Variants in C11orf98 observed in about 807,000 individuals in gnomAD.
The protein encoded by C11orf98 is chromosome 11 open reading frame 98.
C11orf98 carries 7 observed loss-of-function variants against 10.9 expected under a neutral mutation model. The observed-to-expected ratio is 0.64, with a 90% CI of 0.37 to 1.21. C11orf98 has a LOEUF of 1.21. Among genes scored for constraint, C11orf98 ranks in the 50% most tolerant of loss-of-function variants. The pLI, the probability that C11orf98 is intolerant of heterozygous loss-of-function variation, is 0.02. For missense variants in C11orf98, 181 were observed against 153.7 expected (o/e 1.18, Z -0.94); for synonymous variants, 70 against 57.2 (o/e 1.22, Z -1.01).
intron 2 of C11orf98, among the ~76,000 whole-genome samples, chr11:62,664,543 C>T (rs181992522): frequency 7.5e-4 from 114 of 152,162 alleles, no homozygotes; most frequent in African/African-American, 2.6e-3. Context: ...GTTGGTCAGG[C>T]TGGTCTCGAA....
At position 62,663,171 on chromosome 11, in the gene C11orf98, G is replaced by C. The variant is rs376436715; in HGVS notation, c.263-12C>G. On this transcript the variant is annotated splice_polypyrimidine_tract_variant and intron_variant, in intron 3 of 3. Coordinates refer to ENST00000524958, the MANE Select transcript of C11orf98 (RefSeq NM_001286086.2). ...TGAAGGGGCTTCCACTGAGTAAAGGGAAGAAGGAAGTATTATCCCAAATAA... is the reference window on the plus strand; with the variant it reads ...TGAAGGGGCTTCCACTGAGTAAAGGCAAGAAGGAAGTATTATCCCAAATAA... The C allele has an allele frequency of 6.2e-7, 1 of 1,613,744 alleles. No homozygotes were observed. The highest frequency in any genetic ancestry group is 1.3e-5 in the African/African-American group (1 of 74,920).
intron 1 of C11orf98, 62 bp downstream of exon 1, chr11:62,665,069 G>C: frequency 1.3e-6 from 2 of 1,551,194 alleles, no homozygotes; most frequent in Non-Finnish European, 1.7e-6. Context: ...ATCCCATCTC[G>C]TGCGAGATAA....
At position 62,663,247 on chromosome 11, in the gene C11orf98, G is replaced by A. The variant is rs750401579; in HGVS notation, c.251C>T (p.Thr84Ile). Residue 84 changes from threonine to isoleucine, a missense_variant, in exon 3 of 4, where the codon ACA becomes ATA. Thr to Ile is a moderately conservative substitution (Grantham distance 89). Coordinates refer to ENST00000524958, the MANE Select transcript of C11orf98 (RefSeq NM_001286086.2). The part of the protein sequence containing the change: ...QQIRLAQKEK[T>I]AMEVEAPSKP... ...TGTCCCAGCCTCACCTTCCATGGCT[G>A]TCTTCTCTTTCTGGGCAAGCCGGAT... 1 of 1,614,168 alleles carries A rather than the reference G, an allele frequency of 6.2e-7. No homozygotes were observed. The highest frequency in any genetic ancestry group is 8.5e-7 in the Non-Finnish European group (1 of 1,180,026).
chr11:62,663,802 G>C (rs1184713906), intron 2 of C11orf98, among the ~76,000 whole-genome samples: 8 of 151,714 alleles, frequency 5.3e-5, no homozygotes, highest in Non-Finnish European at 4.4e-5. Flanking sequence ...ATCGGGGGCG[G>C]TGGCTTATGC....
intron 2 of C11orf98, among the ~76,000 whole-genome samples, chr11:62,664,082 G>GAAAAAAAAAAAAAAAAAAAA (rs71056540): frequency 1.5e-5 from 1 of 65,944 alleles, no homozygotes; most frequent in Admixed American, 1.9e-4. Flanking sequence ...CAAAAAAGAG[G>GAAAAAAAAAAAAAAAAAAAA]AAAAAAAAAA....
intron 2 of C11orf98, among the ~76,000 whole-genome samples, chr11:62,664,390 G>GCA (rs1944737074): frequency 6.8e-6 from 1 of 146,240 alleles, no homozygotes; most frequent in East Asian, 2.1e-4. Context: ...GAGTGCAGTG[G>GCA]CGTGATCTCG....
In C11orf98 at chr11:62,665,196, T is replaced by G. The variant is rs948419490; in HGVS notation, c.-27A>C. 3.7e-6 allele frequency: 3 copies of G among 803,414 alleles called. No individual in the cohort carries two copies. Among genetic ancestry groups the G allele is most frequent in the African/African-American group, 3.4e-5 (2 of 59,056 alleles). 49.8% of individuals were successfully genotyped at this position (803,414 alleles called of 1,614,324 possible). A position where few individuals can be genotyped will look rare whatever the true frequency, so the allele number is the denominator to read the frequency against. Reference sequence around the variant, plus strand: ...GTCGCGATTCCACTCCAGTTCACGGTCCGTACTTCCGCTCAGCGCCGGATC... The same window carrying G: ...GTCGCGATTCCACTCCAGTTCACGGGCCGTACTTCCGCTCAGCGCCGGATC... On this transcript the variant is annotated 5_prime_UTR_variant, in exon 1 of 4. Transcript: ENST00000524958.
intron 2 of C11orf98, among the ~76,000 whole-genome samples, chr11:62,663,914 A>G (rs1944720027): frequency 6.6e-6 from 1 of 150,424 alleles, no homozygotes; most frequent in Non-Finnish European, 1.5e-5. Flanking sequence ...CTCTACTAAA[A>G]ATACAAAAAT....
At chr11:62,663,445 G>T in intron 2 of C11orf98, 112 bp from the exon 3 acceptor site, 2 of 1,115,784 alleles carry the variant, frequency 1.8e-6, no homozygotes, top group Non-Finnish European at 2.5e-6. Flanking sequence ...AGTGGCTCAC[G>T]CCTGTAATCC....
At position 62,663,219 on chromosome 11, in the gene C11orf98, C is replaced by T. The variant is rs1483494871; in HGVS notation, c.262+17G>A. 4 of 1,613,916 alleles carry T rather than the reference C, an allele frequency of 2.5e-6. No individual in the cohort carries two copies. The highest frequency in any genetic ancestry group is 3.4e-6 in the Non-Finnish European group (4 of 1,179,930). ...TAAATCCAGGATTCCCCTCACCCACCTCTGTCCCAGCCTCACCTTCCATGG... is the reference window on the plus strand; with the variant it reads ...TAAATCCAGGATTCCCCTCACCCACTTCTGTCCCAGCCTCACCTTCCATGG... On this transcript the variant is annotated intron_variant, in intron 3 of 3. Coordinates refer to ENST00000524958, the MANE Select transcript of C11orf98 (RefSeq NM_001286086.2).
chr11:62,664,964 T>C lies in C11orf98; in HGVS notation c.49A>G (p.Lys17Glu), dbSNP rs1271785117. The C allele has an allele frequency of 1.2e-6, 2 of 1,611,868 alleles. No homozygotes were observed. Among genetic ancestry groups the C allele is most frequent in the Non-Finnish European group, 1.7e-6 (2 of 1,179,730 alleles). ...KINRPRTELK[K>E]KLFKRRRVLN... ...ACCCGCCGGCGTTTGAACAGCTTCTTCTTCAGCTCCTGCCGGGGAGAAAGA... is the reference window on the plus strand; with the variant it reads ...ACCCGCCGGCGTTTGAACAGCTTCTCCTTCAGCTCCTGCCGGGGAGAAAGA... The change falls in exon 2 of 4, where the codon AAG (lysine) becomes GAG (glutamate). Residue 17 changes from lysine (K) to glutamate (E), a missense_variant. Lys to Glu is a moderately conservative substitution (Grantham distance 56). Transcript: ENST00000524958.
At chr11:62,663,911 A>G (rs893762888) in intron 2 of C11orf98, among the ~76,000 whole-genome samples, 74 of 150,576 alleles carry the variant, frequency 4.9e-4, no homozygotes, top group African/African-American at 1.7e-3. Context: ...CGTCTCTACT[A>G]AAAATACAAA....
chr11:62,664,320 G>A (rs1944732410), intron 2 of C11orf98, among the ~76,000 whole-genome samples: 1 of 140,220 alleles, frequency 7.1e-6, no homozygotes, highest in Non-Finnish European at 1.5e-5. Context: ...CAGATTTCCT[G>A]ATATTCTTTT....
intron 1 of C11orf98, 74 bp from the exon 2 acceptor site, chr11:62,665,047 G>T (rs539012658): frequency 1.5e-5 from 24 of 1,588,158 alleles, no homozygotes; most frequent in Non-Finnish European, 1.8e-5. Flanking sequence ...AGGCAGCCCC[G>T]GCCCCTCACT....
In C11orf98 at chr11:62,662,904, A is replaced by G. The variant is rs1202751564; in HGVS notation, c.*146T>C. 1 of 633,960 alleles carries G rather than the reference A, an allele frequency of 1.6e-6. No individual in the cohort carries two copies. Among genetic ancestry groups the G allele is most frequent in the East Asian group, 2.7e-5 (1 of 36,560 alleles). 39.3% of individuals were successfully genotyped at this position (633,960 alleles called of 1,614,324 possible). On this transcript the variant is annotated 3_prime_UTR_variant, in exon 4 of 4. Transcript: ENST00000524958. ...TCTTCTGTACCTTCTTCCCTCCCAA[A>G]GACATCCCTCTAGGGGAGGTCAGTA... is the stretch of plus-strand genomic sequence containing the variant.
Position 62,663,293 on chromosome 11 carries a change from G to T in C11orf98, c.205C>A (p.Arg69Ser), listed in dbSNP as rs778053813. ...RANITLSGKK[R>S]RKLLQQIRLA... ...CGGATCTGCTGGAGGAGTTTTCTGC[G>T]CTTCTTCCCTGACAGTGTAATGTTG... Residue 69 changes from arginine to serine, a missense_variant, in exon 3 of 4, where the codon CGC (arginine) becomes AGC (serine). Transcript: ENST00000524958. 1.9e-6 allele frequency: 3 copies of T among 1,614,150 alleles called. No homozygotes were observed. The highest frequency in any genetic ancestry group is 1.3e-5 in the African/African-American group (1 of 75,030).
rs71056540 is a variant in C11orf98 at position 62,664,082 on chromosome 11, GAAAAAAAAAA to G, written c.164+757_165-750del. On this transcript the variant is annotated intron_variant, in intron 2 of 3. Coordinates refer to ENST00000524958, the MANE Select transcript of C11orf98 (RefSeq NM_001286086.2). The stretch of plus-strand genomic sequence containing the variant: ...AGGGAGACTCTGTCTCAAAAAAGAG[GAAAAAAAAAA>G]AAAAAAAAAAAAAGGACACAGAAAG... 5.8e-4 allele frequency among the ~76,000 whole-genome samples: 38 copies of G among 65,944 alleles called. No individual in the cohort carries two copies. The Admixed American group carries it at 7.1e-3, about 12-fold the overall frequency. The allele number at this position is 65,944 out of a possible 152,430, so 43.3% of individuals were successfully genotyped here.
At chr11:62,664,082 GAAAAAAAAAAAA>G (rs71056540) in intron 2 of C11orf98, among the ~76,000 whole-genome samples, 4 of 65,944 alleles carry the variant, frequency 6.1e-5, no homozygotes, top group Non-Finnish European at 1.1e-4. Flanking sequence ...CAAAAAAGAG[GAAAAAAAAAAAA>G]AAAAAAAAAA....
intron 1 of C11orf98, 51 bp from the exon 2 acceptor site, chr11:62,665,024 G>A: frequency 2.5e-6 from 4 of 1,600,616 alleles, no homozygotes; most frequent in South Asian, 2.2e-5. Context: ...CCGCGACCCG[G>A]GGCCCCTCCA....
Sources: gnomAD v4.1 joint callset for allele counts (sites outside exome capture counted in the v4.1 genomes callset) on GRCh38, gnomAD v4.1.1 for gene constraint, MANE v1.5 for transcripts, NCBI Gene and HGNC (gene_info 2026-07-23, HGNC 2026-07-21) for gene names.